The following ZYG11B variants were observed in gnomAD, a reference collection of about 807,000 sequenced individuals.
ZYG11B encodes the protein protein zyg-11 homolog B.
A neutral mutation model predicts 82.4 loss-of-function variants in ZYG11B; 36 were observed. The ratio of observed to expected loss-of-function variants is 0.44; its 90% confidence interval spans 0.33 to 0.58. The LOEUF (loss-of-function observed/expected upper bound fraction) is 0.58. Among genes scored for constraint, ZYG11B ranks in the 20% least tolerant of loss-of-function variants. The pLI, the probability that ZYG11B is intolerant of heterozygous loss-of-function variation, is 0.02. For missense variants in ZYG11B, 552 were observed against 895.6 expected (o/e 0.62, Z 4.90); for synonymous variants, 303 against 312.8 (o/e 0.97, Z 0.33).
chr1:52,804,574 T>C (rs1645125597), intron 10 of ZYG11B, among the ~76,000 whole-genome samples: 1 of 151,604 alleles, frequency 6.6e-6, no homozygotes, highest in Admixed American at 6.6e-5. Context: ...GATTGCACCA[T>C]TGCACTCTAG....
intron 1 of ZYG11B, among the ~76,000 whole-genome samples, chr1:52,742,457 A>C (rs917977685): frequency 6.6e-6 from 1 of 152,034 alleles, no homozygotes; most frequent in Non-Finnish European, 1.5e-5. Flanking sequence ...GTCTCTAAAA[A>C]AAATAAAAGA....
At chr1:52,772,013 G>A (rs1189996876) in intron 3 of ZYG11B, among the ~76,000 whole-genome samples, 1 of 152,146 alleles carries the variant, frequency 6.6e-6, no homozygotes, top group Non-Finnish European at 1.5e-5. Flanking sequence ...GCAGAATTCT[G>A]AAGATTAATA....
intron 1 of ZYG11B, among the ~76,000 whole-genome samples, chr1:52,730,607 G>A (rs951584379): frequency 2.6e-5 from 4 of 152,162 alleles, no homozygotes; most frequent in African/African-American, 9.7e-5. Context: ...GGGATTACAG[G>A]CACAAGCCAC....
chr1:52,811,757 G>A (rs533827892), intron 10 of ZYG11B, among the ~76,000 whole-genome samples: 6 of 151,752 alleles, frequency 4.0e-5, no homozygotes, highest in Non-Finnish European at 5.9e-5. Flanking sequence ...TTGGCCAGGC[G>A]CGGTGGCGCA....
chr1:52,748,027 A>G (rs1320622858), intron 1 of ZYG11B, among the ~76,000 whole-genome samples: 7 of 152,228 alleles, frequency 4.6e-5, no homozygotes, highest in Non-Finnish European at 8.8e-5. Flanking sequence ...ATATTAGCAT[A>G]TAAGTGCTCT....
At chr1:52,792,739 A>G (rs1644970204) in intron 6 of ZYG11B, among the ~76,000 whole-genome samples, 2 of 152,250 alleles carry the variant, frequency 1.3e-5, no homozygotes, top group South Asian at 2.1e-4. Context: ...ATTAACTTTT[A>G]TAAAGAACTT....
chr1:52,797,451 A>T (rs1356229228), intron 8 of ZYG11B, among the ~76,000 whole-genome samples: 1 of 108,008 alleles, frequency 9.3e-6, no homozygotes, highest in African/African-American at 3.6e-5. Context: ...TATATTATAT[A>T]TCATATATGA....
chr1:52,802,191 T>C (rs938443027), intron 10 of ZYG11B, 52 bp downstream of exon 10: 5 of 1,560,326 alleles, frequency 3.2e-6, no homozygotes, highest in Admixed American at 3.8e-5. Context: ...ATTTTCTGTC[T>C]GAAGTAACAC....
Position 52,796,288 on chromosome 1 carries a change from T to TGAA in ZYG11B, c.1335-4_1335-3insGAA. ...AATTCATGAAACCCTTTTTGTGTTT[T>TGAA]CAGGTTTGAAGCAGCCAAGCTTGTC... On this transcript the variant is annotated splice_region_variant and splice_polypyrimidine_tract_variant and intron_variant, in intron 6 of 13. Transcript: ENST00000294353. The TGAA allele has an allele frequency of 1.2e-6, 2 of 1,612,846 alleles. No homozygotes were observed. The highest frequency in any genetic ancestry group is 1.7e-6 in the Non-Finnish European group (2 of 1,179,032).
chr1:52,731,456 T>C (rs1644332211), intron 1 of ZYG11B, among the ~76,000 whole-genome samples: 1 of 152,176 alleles, frequency 6.6e-6, no homozygotes, highest in South Asian at 2.1e-4. Context: ...TGTAGCACTT[T>C]TTCATAGAAT....
rs1017288006 is a variant in ZYG11B at position 52,737,926 on chromosome 1, T to C, written c.30+11243T>C. ...AAGAGGTTGGGTAGGTGAGAAATGT[T>C]AGATCAGATAGTTTCTTTTACTAGC... is the stretch of plus-strand genomic sequence containing the variant. On this transcript the variant is annotated intron_variant, in intron 1 of 13. Transcript: ENST00000294353. Among the ~76,000 whole-genome samples the C allele has an allele frequency of 3.3e-5, 5 of 152,252 alleles. No individual in the cohort carries two copies. In the South Asian group the frequency reaches 1.0e-3, roughly 32 times the overall value.
At chr1:52,777,883 C>T (rs1004052964) in intron 3 of ZYG11B, among the ~76,000 whole-genome samples, 5 of 152,110 alleles carry the variant, frequency 3.3e-5, no homozygotes, top group African/African-American at 4.8e-5. Flanking sequence ...CTCTGAATGA[C>T]GTTTTTTGGC....
At chr1:52,759,576 C>T (rs1490131224) in intron 2 of ZYG11B, among the ~76,000 whole-genome samples, 1 of 152,116 alleles carries the variant, frequency 6.6e-6, no homozygotes, top group Non-Finnish European at 1.5e-5. Flanking sequence ...AACTTGTTGT[C>T]CCTAATTGTG....
At chr1:52,815,911 G>A (rs1027438301) in intron 12 of ZYG11B, among the ~76,000 whole-genome samples, 1 of 151,758 alleles carries the variant, frequency 6.6e-6, no homozygotes, top group African/African-American at 2.4e-5. Context: ...CTCCAGCCTG[G>A]GCGACAGAGC....
chr1:52,787,655 G>A (rs1174363363), intron 5 of ZYG11B, among the ~76,000 whole-genome samples: 2 of 152,176 alleles, frequency 1.3e-5, no homozygotes. Context: ...CAAGATAACA[G>A]ACTTACAGAA....
chr1:52,772,538 A>G, intron 3 of ZYG11B: 2 of 1,610,522 alleles, frequency 1.2e-6, no homozygotes, highest in Non-Finnish European at 1.7e-6. Flanking sequence ...CCAGTTTGTA[A>G]ATCTGCTCCT....
At chr1:52,749,332 G>A (rs1220700511) in intron 1 of ZYG11B, among the ~76,000 whole-genome samples, 1 of 152,236 alleles carries the variant, frequency 6.6e-6, no homozygotes, top group Non-Finnish European at 1.5e-5. Flanking sequence ...GTGCTAGGTT[G>A]CTTAAACATG....
At position 52,824,687 on chromosome 1, in the gene ZYG11B, TTTG is replaced by T. The variant is rs1645310653; in HGVS notation, c.*3059_*3061del. ...TTATTACATCCCAAATATATAAAAA[TTTG>T]AGTGCCTTTGCAGTTGGGATGGTTC... On this transcript the variant is annotated 3_prime_UTR_variant, in exon 14 of 14. Transcript: ENST00000294353. The T allele has an allele frequency of 1.3e-5, 2 of 151,858 alleles. No individual in the cohort carries two copies. The highest frequency in any genetic ancestry group is 4.8e-5 in the African/African-American group (2 of 41,300). The allele number at this position is 151,858 out of a possible 1,614,324, so 9.4% of individuals were successfully genotyped here.
intron 13 of ZYG11B, 64 bp downstream of exon 13, chr1:52,816,693 A>G: frequency 1.6e-6 from 2 of 1,239,764 alleles, no homozygotes; most frequent in East Asian, 2.3e-5. Context: ...TTCCCAGGAA[A>G]GATATTTCTA....
Sources: allele counts gnomAD v4.1 joint callset (sites outside exome capture counted in the v4.1 genomes callset), GRCh38; gene constraint gnomAD v4.1.1; transcripts MANE v1.5; gene names NCBI Gene and HGNC (gene_info 2026-07-23, HGNC 2026-07-21).